Variants in ANKLE2 observed in about 807,000 individuals in gnomAD.
ANKLE2 encodes ankyrin repeat and LEM domain containing 2.
A neutral mutation model predicts 84.2 loss-of-function variants in ANKLE2; 55 were observed. The observed-to-expected ratio is 0.65, with a 90% CI of 0.53 to 0.82. The LOEUF is 0.82. Ranked by LOEUF, ANKLE2 falls within the 40% of genes least tolerant of loss-of-function variation. The pLI, the probability that ANKLE2 is intolerant of heterozygous loss-of-function variation, is 0.00. For missense variants in ANKLE2, 1,238 were observed against 1,201.9 expected (o/e 1.03, Z -0.44); for synonymous variants, 551 against 486.1 (o/e 1.13, Z -1.76).
chr12:132,736,023 C>T lies in ANKLE2; in HGVS notation c.1594-511G>A, dbSNP rs1178768798. Reference sequence around the variant, plus strand: ...CTGGAGTGCAGTGGTACGATCTCGGCTCACTGCAAGCTCCACCTCCGGGGT... The same window carrying T: ...CTGGAGTGCAGTGGTACGATCTCGGTTCACTGCAAGCTCCACCTCCGGGGT... On this transcript the variant is annotated intron_variant, in intron 8 of 12. Coordinates refer to ENST00000357997, the MANE Select transcript of ANKLE2 (RefSeq NM_015114.3). Among the ~76,000 whole-genome samples, 3 of 152,280 alleles carry T rather than the reference C, an allele frequency of 2.0e-5. No individual in the cohort carries two copies. The East Asian group carries it at 5.8e-4, about 29-fold the overall frequency.
At chr12:132,730,333 C>T (rs1206685443) in intron 10 of ANKLE2, 63 bp from the exon 11 acceptor site, 5 of 1,332,404 alleles carry the variant, frequency 3.8e-6, no homozygotes, top group Non-Finnish European at 4.1e-6. Flanking sequence ...AGCTGCTCCG[C>T]CCCATCCATG....
Position 132,743,183 on chromosome 12 carries a change from T to C in ANKLE2, c.1324A>G (p.Arg442Gly). The change falls in exon 6 of 13, where the codon AGG becomes GGG. Residue 442 changes from arginine (R) to glycine (G), a missense_variant. Physicochemically the swap from Arg to Gly is moderately radical, Grantham distance 125 (BLOSUM62 -2). Around this residue, in one of 3 missense-constraint regions of ANKLE2, gnomAD observed 802 missense variants for 774.5 expected, o/e 1.04. Transcript: ENST00000357997. The surrounding 1 kb of genome is among the most constrained non-coding windows in gnomAD (Gnocchi z 4.1). Reference sequence around the variant, plus strand: ...TCAGGTGTTTTATCATATTTATTCCTTGAGTTTTTTACAATCAAATGGTGT... The same window carrying C: ...TCAGGTGTTTTATCATATTTATTCCCTGAGTTTTTTACAATCAAATGGTGT... ...SSHHLIVKNSRNKYDKTPEDV... is the reference protein window; with the variant it reads ...SSHHLIVKNSGNKYDKTPEDV... 1 of 1,611,108 alleles carries C rather than the reference T, an allele frequency of 6.2e-7. No homozygotes were observed. Among genetic ancestry groups the C allele is most frequent in the Non-Finnish European group, 8.5e-7 (1 of 1,178,512 alleles).
At chr12:132,732,545 T>C (rs1366603485) in intron 10 of ANKLE2, among the ~76,000 whole-genome samples, 7 of 140,052 alleles carry the variant, frequency 5.0e-5, no homozygotes, top group Non-Finnish European at 9.4e-5. Flanking sequence ...TGCATGCTGG[T>C]GTCTGATATG....
chr12:132,743,311 C>G lies in ANKLE2; in HGVS notation c.1231-35G>C. 1 of 1,561,876 alleles carries G rather than the reference C, an allele frequency of 6.4e-7. No homozygotes were observed. On this transcript the variant is annotated intron_variant, in intron 5 of 12. Transcript: ENST00000357997. This position sits in a 1 kb window ranked among gnomAD's most constrained non-coding sequence, Gnocchi z 4.1. ...GGTGCAGAGGAAGTACAATTATTCA[C>G]ACTTGTCTCATGAGGTTGCTCTAAG...
intron 5 of ANKLE2, among the ~76,000 whole-genome samples, chr12:132,744,773 C>T (rs1008641058): frequency 6.6e-6 from 1 of 152,226 alleles, no homozygotes; most frequent in East Asian, 1.9e-4. Context: ...CTCCGCCTCC[C>T]GGGTTCACGC....
chr12:132,743,371 T>C lies in ANKLE2; in HGVS notation c.1231-95A>G. The C allele has an allele frequency of 7.0e-7, 1 of 1,420,388 alleles. No homozygotes were observed. Among genetic ancestry groups the C allele is most frequent in the African/African-American group, 1.5e-5 (1 of 68,676 alleles). The allele number at this position is 1,420,388 out of a possible 1,614,324, so 88.0% of individuals were successfully genotyped here. A position where few individuals can be genotyped will look rare whatever the true frequency, so the allele number is the denominator to read the frequency against. ...CATATTCATTCATTCATTCATTCAT[T>C]TATTTATTTTGAGACGGAGTCTCAC... On this transcript the variant is annotated intron_variant, in intron 5 of 12. Transcript: ENST00000357997. This position sits in a 1 kb window ranked among gnomAD's most constrained non-coding sequence, Gnocchi z 4.1.
chr12:132,729,754 A>G lies in ANKLE2; in HGVS notation c.2408T>C (p.Leu803Ser), dbSNP rs565063145. 17 of 1,611,600 alleles carry G rather than the reference A, an allele frequency of 1.1e-5. 1 individual carries two copies. The South Asian group carries it at 1.8e-4, about 17-fold the overall frequency. ...EMSARIAKMSLSPSSPRHEDQ... is the reference protein window; with the variant it reads ...EMSARIAKMSSSPSSPRHEDQ... ...CTCGTGCCTGGGGCTGCTGGGACTC[A>G]AGGACATTTTAGCGATCCTGGCTGA... The change falls in exon 11 of 13, where the codon TTG (leucine) becomes TCG (serine). Residue 803 changes from leucine to serine, a missense_variant. This residue lies in a region of ANKLE2 where 802 missense variants were observed against 774.5 expected (regional missense o/e 1.04). Coordinates refer to ENST00000357997, the MANE Select transcript of ANKLE2 (RefSeq NM_015114.3).
At chr12:132,747,307 T>C (rs1334239949) in intron 5 of ANKLE2, among the ~76,000 whole-genome samples, 1 of 148,668 alleles carries the variant, frequency 6.7e-6, no homozygotes, top group Non-Finnish European at 1.5e-5. Context: ...CAGCCCTGCG[T>C]GTCAGGCAGC....
rs762525347 is a variant in ANKLE2 at position 132,735,482 on chromosome 12, G to C, written c.1624C>G (p.Pro542Ala). The change falls in exon 9 of 13, where the codon CCA becomes GCA. Residue 542 changes from proline to alanine, a missense_variant. Transcript: ENST00000357997. ...AGGAAGCCTGCTTTCTCTCGAGGTG[G>C]AGTTTTCCAGAGCTTGCGAAAATCT... ...AEDFRKLWKT[P>A]PREKAGFLHH... 3 of 1,613,388 alleles carry C rather than the reference G, an allele frequency of 1.9e-6. No homozygotes were observed. The highest frequency in any genetic ancestry group is 3.3e-5 in the Admixed American group (2 of 59,820).
rs1236086739 is a variant in ANKLE2 at position 132,736,880 on chromosome 12, T to C, written c.1593+13A>G. 1 of 1,593,376 alleles carries C rather than the reference T, an allele frequency of 6.3e-7. No individual in the cohort carries two copies. Among genetic ancestry groups the C allele is most frequent in the East Asian group, 2.2e-5 (1 of 44,456 alleles). ...GCCAGGCACCACTTCCAGAAGCTTC[T>C]ACAGCAGCTCACCTTGGCTGGACTC... On this transcript the variant is annotated intron_variant, in intron 8 of 12. Transcript: ENST00000357997.
intron 8 of ANKLE2, 56 bp from the exon 9 acceptor site, chr12:132,735,568 G>A (rs142928869): frequency 2.7e-6 from 4 of 1,455,242 alleles, no homozygotes; most frequent in Non-Finnish European, 3.8e-6. Flanking sequence ...CCTCAGCTGC[G>A]GAAACCTGAA....
chr12:132,728,881 G>A (rs181716466), intron 11 of ANKLE2, among the ~76,000 whole-genome samples: 46 of 152,308 alleles, frequency 3.0e-4, no homozygotes, highest in African/African-American at 1.1e-3. Flanking sequence ...ACCCCAAGAT[G>A]GCTTTTCTTC....
At chr12:132,727,832 A>T (rs1294523381) in intron 12 of ANKLE2, among the ~76,000 whole-genome samples, 200 bp downstream of exon 12, 1 of 152,130 alleles carries the variant, frequency 6.6e-6, no homozygotes, top group African/African-American at 2.4e-5. Flanking sequence ...GCTTGTCAGG[A>T]GCTGACCCGT....
intron 7 of ANKLE2, among the ~76,000 whole-genome samples, chr12:132,739,933 C>T (rs1192820484): frequency 6.6e-6 from 1 of 152,242 alleles, no homozygotes; most frequent in Non-Finnish European, 1.5e-5. Context: ...GAGCTGCCTT[C>T]TCCTCAGCAA....
rs771035135 is a variant in ANKLE2, at chr12:132,743,212, G to A, written c.1295C>T (p.Ser432Leu). ...FGNADVVNVL[S>L]SHHLIVKNSR... ...GTTTTTTACAATCAAATGGTGTGACGAAAGCACGTTGACTACATCTGCATT... is the reference window on the plus strand; with the variant it reads ...GTTTTTTACAATCAAATGGTGTGACAAAAGCACGTTGACTACATCTGCATT... Residue 432 changes from serine (S) to leucine (L), a missense_variant, in exon 6 of 13, where the codon TCG (serine) becomes TTG (leucine). By Grantham distance (145) the Ser-to-Leu change is moderately radical (BLOSUM62 -2). This residue lies in a region of ANKLE2 where 802 missense variants were observed against 774.5 expected (regional missense o/e 1.04). Transcript: ENST00000357997. The surrounding 1 kb of genome is among the most constrained non-coding windows in gnomAD (Gnocchi z 4.1). The A allele has an allele frequency of 1.4e-5, 23 of 1,611,898 alleles. No homozygotes were observed. The highest frequency in any genetic ancestry group is 5.3e-5 in the African/African-American group (4 of 74,880).
Position 132,755,068 on chromosome 12 carries a change from C to A in ANKLE2, c.247G>T (p.Glu83Ter). Reference protein sequence around the residue: ...KLLNPDDLREEIVKAGLKCGP... With the variant: ...KLLNPDDLRE ...CATTTCAATCCGGCTTTGACGATTTCTTCTCTAAGGTCATCTGGATTCAGA... is the reference window on the plus strand; with the variant it reads ...CATTTCAATCCGGCTTTGACGATTTATTCTCTAAGGTCATCTGGATTCAGA... Residue 83 changes from glutamate to a stop codon, truncating the protein, a stop_gained, in exon 2 of 13, where the codon GAA (glutamate) becomes TAA (stop). Coordinates refer to ENST00000357997, the MANE Select transcript of ANKLE2 (RefSeq NM_015114.3). LOFTEE classifies it high-confidence loss of function. 6.2e-7 allele frequency: 1 copy of A among 1,613,820 alleles called. No individual in the cohort carries two copies. Among genetic ancestry groups the A allele is most frequent in the Non-Finnish European group, 8.5e-7 (1 of 1,180,024 alleles).
At chr12:132,742,768 C>CCATCATCCTCACCACATCTTCACCAT (rs2044154806) in intron 6 of ANKLE2, among the ~76,000 whole-genome samples, 2 of 149,032 alleles carry the variant, frequency 1.3e-5, no homozygotes, top group African/African-American at 2.5e-5. Flanking sequence ...ATCCTCACCA[C>CCATCATCCTCACCACATCTTCACCAT]CATCATCCTC....
At chr12:132,761,495 C>T in intron 1 of ANKLE2, 123 bp downstream of exon 1, 1 of 870,840 alleles carries the variant, frequency 1.1e-6, no homozygotes, top group Non-Finnish European at 1.5e-6. Flanking sequence ...GCCCTGGTTT[C>T]CCCGGCCGCC....
Position 132,748,267 on chromosome 12 carries a change from G to C in ANKLE2, c.912C>G (p.Pro304=), listed in dbSNP as rs2044282551. The change falls in exon 4 of 13, where the codon CCC becomes CCG. Residue 304 remains proline (P), a synonymous_variant. Transcript: ENST00000357997. ...NKERANSYKN[P]RTQDLTAKLR... is the part of the protein sequence containing the mutation. ...GCTTGGCGGTGAGGTCCTGCGTGCG[G>C]GGATTTTTGTAACTGTTCGCTCGCT... 1.2e-6 allele frequency: 2 copies of C among 1,614,162 alleles called. No individual in the cohort carries two copies. The highest frequency in any genetic ancestry group is 8.5e-7 in the Non-Finnish European group (1 of 1,180,036).
Sources: allele counts gnomAD v4.1 joint callset (sites outside exome capture counted in the v4.1 genomes callset), GRCh38; gene constraint gnomAD v4.1.1; regional missense constraint gnomAD v4.1.1; non-coding constraint Gnocchi (gnomAD v3.1); transcripts MANE v1.5; gene names NCBI Gene and HGNC (gene_info 2026-07-23, HGNC 2026-07-21).